Variants in JUP observed in about 807,000 individuals in gnomAD.
The protein encoded by JUP is junction plakoglobin.
JUP carries 28 observed loss-of-function variants against 71.1 expected under a neutral mutation model. That is an observed-to-expected ratio of 0.39 (90% CI 0.29 to 0.54). The LOEUF is 0.54. JUP is among the 20% of genes least tolerant of loss of function. The probability of loss-of-function intolerance (pLI) is 0.62; values close to 1 mark genes in which losing one functional copy is unlikely to be tolerated. For missense variants in JUP, 869 were observed against 1,030.1 expected (o/e 0.84, Z 2.14); for synonymous variants, 401 against 438.9 (o/e 0.91, Z 1.08).
At chr17:41,776,581 G>A (rs2046897295) in intron 1 of JUP, among the ~76,000 whole-genome samples, 1 of 152,176 alleles carries the variant, frequency 6.6e-6, no homozygotes, top group Admixed American at 6.5e-5. Flanking sequence ...AGCCGGGCAT[G>A]GTGGCATGCA....
intron 7 of JUP, among the ~76,000 whole-genome samples, chr17:41,764,232 C>T (rs901069818): frequency 1.3e-5 from 2 of 152,154 alleles, no homozygotes; most frequent in African/African-American, 4.8e-5. Context: ...CAGCCCAGGG[C>T]CCAGGTCAAA....
At chr17:41,755,947 G>A in intron 13 of JUP, 52 bp from the exon 14 acceptor site, 1 of 1,573,266 alleles carries the variant, frequency 6.4e-7, no homozygotes, top group Non-Finnish European at 8.6e-7. Flanking sequence ...TACCCTGCAG[G>A]GAGCAGTCTG....
In JUP at chr17:41,765,049, C is replaced by G; in HGVS notation, c.928G>C (p.Gly310Arg). 6.2e-7 allele frequency: 1 copy of G among 1,614,124 alleles called. No homozygotes were observed. The highest frequency in any genetic ancestry group is 8.5e-7 in the Non-Finnish European group (1 of 1,180,010). ...QESKLIILAN[G>R]GPQALVQIMR... is the part of the protein sequence containing the mutation. ...ATCTGCACGAGGGCCTGGGGCCCAC[C>G]ATTGGCCAGGATGATCAGCTATGGG... Residue 310 changes from glycine to arginine, a missense_variant, in exon 6 of 14, where the codon GGT (glycine) becomes CGT (arginine). Gly to Arg is a moderately radical substitution (Grantham distance 125). Coordinates refer to ENST00000393931, the MANE Select transcript of JUP (RefSeq NM_002230.4).
At chr17:41,756,534 G>A (rs1555598026) in intron 12 of JUP, among the ~76,000 whole-genome samples, 1 of 151,936 alleles carries the variant, frequency 6.6e-6, no homozygotes, top group East Asian at 1.9e-4. Flanking sequence ...GGGAGGCAGA[G>A]GATGCAGTGA....
At chr17:41,779,512 TAG>T (rs1437373381) in intron 1 of JUP, among the ~76,000 whole-genome samples, 1 of 151,742 alleles carries the variant, frequency 6.6e-6, no homozygotes, top group Non-Finnish European at 1.5e-5. Flanking sequence ...TATTTTTTAG[TAG>T]AGACGGGGTT....
At chr17:41,761,557 A>G (rs1224188774) in intron 8 of JUP, among the ~76,000 whole-genome samples, 3 of 152,138 alleles carry the variant, frequency 2.0e-5, no homozygotes, top group Non-Finnish European at 4.4e-5. Flanking sequence ...CACACCTGTA[A>G]TCCTAGCACT....
intron 1 of JUP, among the ~76,000 whole-genome samples, chr17:41,783,959 T>C: frequency 6.6e-6 from 1 of 151,200 alleles, no homozygotes; most frequent in East Asian, 1.9e-4. Flanking sequence ...TGATCTTGAG[T>C]TACCGTTTGT....
At chr17:41,779,750 T>G (rs1187360770) in intron 1 of JUP, among the ~76,000 whole-genome samples, 1 of 151,966 alleles carries the variant, frequency 6.6e-6, no homozygotes, top group African/African-American at 2.4e-5. Context: ...ACTGCAGCCT[T>G]GAACTCCTGG....
chr17:41,755,725 C>G lies in JUP; in HGVS notation c.*19G>C. On this transcript the variant is annotated 3_prime_UTR_variant, in exon 14 of 14. Coordinates refer to ENST00000393931, the MANE Select transcript of JUP (RefSeq NM_002230.4). ...GAGGAAAAGCCTGCAAAGAGGGGGC[C>G]GTACTGGGGCCAGGCCGCCTAGGCC... 1 of 1,553,692 alleles carries G rather than the reference C, an allele frequency of 6.4e-7. No individual in the cohort carries two copies. Among genetic ancestry groups the G allele is most frequent in the Non-Finnish European group, 8.7e-7 (1 of 1,146,808 alleles).
chr17:41,779,561 C>G lies in JUP; in HGVS notation c.-9+7027G>C, dbSNP rs996247752. Reference sequence around the variant, plus strand: ...GCCAGGATGGTCTCGATCTCCTGACCTCGTGATGCGCCCGCCTCGGCCTCC... The same window carrying G: ...GCCAGGATGGTCTCGATCTCCTGACGTCGTGATGCGCCCGCCTCGGCCTCC... On this transcript the variant is annotated intron_variant, in intron 1 of 13. Coordinates refer to ENST00000393931, the MANE Select transcript of JUP (RefSeq NM_002230.4). Among the ~76,000 whole-genome samples, 4 of 152,108 alleles carry G rather than the reference C, an allele frequency of 2.6e-5. No individual in the cohort carries two copies. In the South Asian group the frequency reaches 6.2e-4, roughly 24 times the overall value.
intron 1 of JUP, chr17:41,772,798 C>A: frequency 3.0e-6 from 3 of 985,412 alleles, no homozygotes; most frequent in Non-Finnish European, 3.6e-6. Context: ...CTCTCTCTCT[C>A]TGCAAAGGTT....
At chr17:41,766,681 C>T (rs1009548526) in intron 5 of JUP, among the ~76,000 whole-genome samples, 1 of 152,074 alleles carries the variant, frequency 6.6e-6, no homozygotes, top group Non-Finnish European at 1.5e-5. Flanking sequence ...GTGGTGAAAC[C>T]TTGTCTCTAC....
intron 2 of JUP, 35 bp from the exon 3 acceptor site, chr17:41,769,712 A>C (rs375570377): frequency 1.8e-5 from 29 of 1,599,262 alleles, no homozygotes; most frequent in Non-Finnish European, 4.2e-6. Flanking sequence ...GAGTGCAGGC[A>C]GTGGGCTGGG....
chr17:41,766,163 G>A (rs914105785), intron 5 of JUP, among the ~76,000 whole-genome samples: 2 of 152,030 alleles, frequency 1.3e-5, no homozygotes, highest in Admixed American at 6.6e-5. Flanking sequence ...AAGATGGGAG[G>A]AATGCTTGAG....
chr17:41,763,208 C>A lies in JUP; in HGVS notation c.1272G>T (p.Lys424Asn). The A allele has an allele frequency of 1.2e-6, 2 of 1,614,240 alleles. No individual in the cohort carries two copies. The highest frequency in any genetic ancestry group is 1.7e-6 in the Non-Finnish European group (2 of 1,180,052). Residue 424 changes from lysine (K) to asparagine (N), a missense_variant, in exon 8 of 14, where the codon AAG becomes AAT. Physicochemically the swap from Lys to Asn is moderately conservative, Grantham distance 94. Coordinates refer to ENST00000393931, the MANE Select transcript of JUP (RefSeq NM_002230.4). Reference protein sequence around the residue: ...TLSNLTCNNSKNKTLVTQNSG... With the variant: ...TLSNLTCNNSNNKTLVTQNSG... ...TGTTCTGTGTCACCAGCGTCTTGTT[C>A]TTGCTGTTGTTGCATGTCAGGTTGG...
intron 1 of JUP, among the ~76,000 whole-genome samples, chr17:41,780,532 T>A (rs1214516878): frequency 7.0e-6 from 1 of 142,222 alleles, no homozygotes; most frequent in African/African-American, 2.6e-5. Flanking sequence ...CCATCTCTAC[T>A]AAAAATACAA....
chr17:41,762,866 TTCTG>T (rs1227975461), intron 8 of JUP, 113 bp downstream of exon 8: 16 of 776,756 alleles, frequency 2.1e-5, no homozygotes, highest in Non-Finnish European at 1.8e-5. Flanking sequence ...AGAAATAAAC[TTCTG>T]TCTTATTCGA....
intron 8 of JUP, among the ~76,000 whole-genome samples, chr17:41,762,081 CAT>C (rs1914898438): frequency 7.2e-6 from 1 of 139,154 alleles, no homozygotes; most frequent in Admixed American, 7.5e-5. Context: ...AAAAAAAAGA[CAT>C]ACAGAATGGC....
intron 12 of JUP, 113 bp downstream of exon 12, chr17:41,757,302 T>A: frequency 8.3e-7 from 1 of 1,211,228 alleles, no homozygotes; most frequent in South Asian, 1.2e-5. Context: ...ATGATCCAAT[T>A]ACAAAATAAA....
Sources: allele counts gnomAD v4.1 joint callset (sites outside exome capture counted in the v4.1 genomes callset), GRCh38; gene constraint gnomAD v4.1.1; transcripts MANE v1.5; gene names NCBI Gene and HGNC (gene_info 2026-07-23, HGNC 2026-07-21).